Variants in RNF11 observed in about 807,000 individuals in gnomAD.
RNF11 encodes ring finger protein 11.
In RNF11, 4 loss-of-function variants were observed where a neutral mutation model predicts 15.8. That is an observed-to-expected ratio of 0.25 (90% CI 0.12 to 0.58). The LOEUF is 0.58. Ranked by LOEUF, RNF11 falls within the 20% of genes least tolerant of loss-of-function variation. The pLI is 0.91. For missense variants in RNF11, 139 were observed against 194.4 expected (o/e 0.71, Z 1.70); for synonymous variants, 68 against 72.3 (o/e 0.94, Z 0.30).
chr1:51,259,066 T>C (rs2148071582), intron 1 of RNF11, among the ~76,000 whole-genome samples: 1 of 152,358 alleles, frequency 6.6e-6, no homozygotes, highest in South Asian at 2.1e-4. Context: ...TTGTCCTGTT[T>C]ACTGTAAGAT....
At chr1:51,258,595 G>A (rs1448299096) in intron 1 of RNF11, among the ~76,000 whole-genome samples, 2 of 152,136 alleles carry the variant, frequency 1.3e-5, no homozygotes, top group Non-Finnish European at 2.9e-5. Context: ...CTAAAGGTAG[G>A]CACAACATAT....
intron 1 of RNF11, among the ~76,000 whole-genome samples, chr1:51,244,545 C>A (rs1017190344): frequency 1.3e-5 from 2 of 152,146 alleles, no homozygotes; most frequent in Non-Finnish European, 2.9e-5. Context: ...CGCCACCACA[C>A]CTGGCTAATT....
At chr1:51,243,562 C>T (rs954366466) in intron 1 of RNF11, among the ~76,000 whole-genome samples, 2 of 152,130 alleles carry the variant, frequency 1.3e-5, no homozygotes, top group African/African-American at 2.4e-5. Context: ...CCTCAGCCTC[C>T]CGAGTAGCTG....
At chr1:51,255,441 G>T (rs1569669697) in intron 1 of RNF11, among the ~76,000 whole-genome samples, 1 of 152,040 alleles carries the variant, frequency 6.6e-6, no homozygotes, top group Admixed American at 6.6e-5. Context: ...TGTCTTTTTG[G>T]CAGAGACAAG....
intron 1 of RNF11, among the ~76,000 whole-genome samples, chr1:51,239,020 G>A (rs1421536125): frequency 1.3e-5 from 2 of 151,946 alleles, no homozygotes; most frequent in Admixed American, 1.3e-4. Flanking sequence ...ATGAGCCACC[G>A]CATCTGGCAT....
Position 51,269,911 on chromosome 1 carries a change from G to T in RNF11, c.124-45G>T, listed in dbSNP as rs778315337. On this transcript the variant is annotated intron_variant, in intron 1 of 2. Transcript: ENST00000242719. ...CTGACCAAAAAATAAGCCCTCGAAAGGTTTTTAAAAAATAATCTTTTTCCT... is the reference window on the plus strand; with the variant it reads ...CTGACCAAAAAATAAGCCCTCGAAATGTTTTTAAAAAATAATCTTTTTCCT... 16 of 1,548,600 alleles carry T rather than the reference G, an allele frequency of 1.0e-5. No homozygotes were observed. In the South Asian group the frequency reaches 1.9e-4, roughly 18 times the overall value.
intron 1 of RNF11, among the ~76,000 whole-genome samples, chr1:51,264,759 T>TC (rs1471841627): frequency 7.2e-5 from 11 of 152,134 alleles, no homozygotes; most frequent in African/African-American, 2.4e-4. Context: ...TTTAGGCACT[T>TC]CCCCACTGCA....
Position 51,250,725 on chromosome 1 carries a change from G to T in RNF11, c.123+13846G>T, listed in dbSNP as rs187536991. 390 of 1,328,448 alleles carry T rather than the reference G, an allele frequency of 2.9e-4. 1 individual carries two copies. The African/African-American group carries it at 4.9e-3, about 17-fold the overall frequency. 82.3% of individuals were successfully genotyped at this position (1,328,448 alleles called of 1,614,324 possible). On this transcript the variant is annotated intron_variant, in intron 1 of 2. Coordinates refer to ENST00000242719, the MANE Select transcript of RNF11 (RefSeq NM_014372.5). ...TACAGTCTCCTTCCAGAGGTCGGGG[G>T]TCAGGTAGCTGTAGGTCTTAGAAAT...
intron 1 of RNF11, among the ~76,000 whole-genome samples, chr1:51,264,296 A>G (rs1646944917): frequency 2.2e-5 from 2 of 91,138 alleles, no homozygotes; most frequent in South Asian, 6.8e-4. Context: ...AAATATATAT[A>G]TATATATATA....
intron 1 of RNF11, among the ~76,000 whole-genome samples, chr1:51,252,363 GGAAGCCAAGACA>G (rs1055891339): frequency 3.9e-5 from 6 of 152,176 alleles, no homozygotes; most frequent in East Asian, 1.9e-4. Flanking sequence ...ATATGTCTTG[GGAAGCCAAGACA>G]GAAGCCAAGA....
Position 51,239,368 on chromosome 1 carries a change from T to C in RNF11, c.123+2489T>C, listed in dbSNP as rs141657091. Among the ~76,000 whole-genome samples the C allele has an allele frequency of 5.1e-3, 778 of 152,356 alleles. 3 individuals carry two copies. The highest frequency in any genetic ancestry group is 8.3e-3 in the Non-Finnish European group (562 of 68,032). ...TATTTTTGACAGTGGGAGTTTTTTA[T>C]GGTTGCAGTTTCCTGAAGTGAATGA... On this transcript the variant is annotated intron_variant, in intron 1 of 2. Coordinates refer to ENST00000242719, the MANE Select transcript of RNF11 (RefSeq NM_014372.5).
intron 1 of RNF11, among the ~76,000 whole-genome samples, chr1:51,243,843 C>T (rs1284047949): frequency 6.6e-6 from 1 of 152,194 alleles, no homozygotes; most frequent in African/African-American, 2.4e-5. Flanking sequence ...TAGCCTTGTG[C>T]TTTCTTTTAT....
intron 1 of RNF11, chr1:51,250,494 C>G (rs766126057): frequency 2.0e-6 from 1 of 504,880 alleles, no homozygotes; most frequent in Non-Finnish European, 3.5e-6. Context: ...GGTCCACTTA[C>G]AGTGCTAATT....
At position 51,271,603 on chromosome 1, in the gene RNF11, G is replaced by A. The variant is rs1646978960; in HGVS notation, c.*281G>A. ...CTCCAGTACATAGGAATTGTGTAAA[G>A]TGTTAACAGCAGCTGTATTTGTTTA... On this transcript the variant is annotated 3_prime_UTR_variant, in exon 3 of 3. Transcript: ENST00000242719. The A allele has an allele frequency of 4.3e-6, 1 of 233,876 alleles. No homozygotes were observed. The highest frequency in any genetic ancestry group is 1.4e-4 in the South Asian group (1 of 7,334). The allele number at this position is 233,876 out of a possible 1,614,324, so 14.5% of individuals were successfully genotyped here. A position where few individuals can be genotyped will look rare whatever the true frequency, so the allele number is the denominator to read the frequency against.
rs945875394 is a variant in RNF11, at chr1:51,241,053, G to A, written c.123+4174G>A. On this transcript the variant is annotated intron_variant, in intron 1 of 2. Coordinates refer to ENST00000242719, the MANE Select transcript of RNF11 (RefSeq NM_014372.5). ...GCTGGTCTCAAACTCCTGACTTCAG[G>A]TGATCTGCCCACCTTGGCCTTCCAG... is the stretch of plus-strand genomic sequence containing the variant. 1.1e-4 allele frequency among the ~76,000 whole-genome samples: 16 copies of A among 152,168 alleles called. No homozygotes were observed. In the South Asian group the frequency reaches 3.3e-3, roughly 32 times the overall value.
chr1:51,246,442 G>A lies in RNF11; in HGVS notation c.123+9563G>A, dbSNP rs552945863. Among the ~76,000 whole-genome samples, 42 of 152,262 alleles carry A rather than the reference G, an allele frequency of 2.8e-4. No homozygotes were observed. In the East Asian group the frequency reaches 6.2e-3, roughly 22 times the overall value. On this transcript the variant is annotated intron_variant, in intron 1 of 2. Transcript: ENST00000242719. ...AATAAAAAATTAGTCAGGTGTGTTG[G>A]CACATGCCTGTAGTCCCAGCTATAG...
chr1:51,242,929 A>G (rs1374248531), intron 1 of RNF11, among the ~76,000 whole-genome samples: 4 of 152,124 alleles, frequency 2.6e-5, no homozygotes, highest in African/African-American at 4.8e-5. Flanking sequence ...GCTTTTAACA[A>G]TTTACCTTTT....
At chr1:51,238,065 T>G (rs764306605) in intron 1 of RNF11, among the ~76,000 whole-genome samples, 7 of 152,174 alleles carry the variant, frequency 4.6e-5, no homozygotes, top group Non-Finnish European at 1.0e-4. Context: ...CCTCCATGAC[T>G]TCTCCCTCTT....
At chr1:51,251,485 C>T (rs1473573393) in intron 1 of RNF11, 7 of 607,656 alleles carry the variant, frequency 1.2e-5, no homozygotes, top group East Asian at 2.8e-5. Context: ...GGTGTTTTCT[C>T]GGAGAAGAAA....
Sources: gnomAD v4.1 joint callset for allele counts (sites outside exome capture counted in the v4.1 genomes callset) on GRCh38, gnomAD v4.1.1 for gene constraint, MANE v1.5 for transcripts, NCBI Gene and HGNC (gene_info 2026-07-23, HGNC 2026-07-21) for gene names.